The following MAML2 variants were observed in gnomAD, a reference collection of about 807,000 sequenced individuals.
MAML2 encodes mastermind-like protein 2.
MAML2 carries 22 observed loss-of-function variants against 96.1 expected under a neutral mutation model. The ratio of observed to expected loss-of-function variants is 0.23; its 90% CI spans 0.16 to 0.33. MAML2 has a LOEUF of 0.33. Among genes scored for constraint, MAML2 ranks in the 10% least tolerant of loss-of-function variants. The pLI is 1.00. For missense variants in MAML2, 1,367 were observed against 1,392.4 expected, an observed-to-expected ratio of 0.98 and a Z score of 0.29; for synonymous variants, 561 against 521.3, an observed-to-expected ratio of 1.08 and a Z score of -1.04.
At chr11:96,101,936 G>A (rs1859938277) in intron 1 of MAML2, among the ~76,000 whole-genome samples, 1 of 152,176 alleles carries the variant, frequency 6.6e-6, no homozygotes, top group African/African-American at 2.4e-5. Flanking sequence ...GTTAATGCAA[G>A]AACCATGTAG....
intron 2 of MAML2, among the ~76,000 whole-genome samples, chr11:95,993,342 T>G (rs1591081264): frequency 6.6e-6 from 1 of 152,018 alleles, no homozygotes; most frequent in African/African-American, 2.4e-5. Flanking sequence ...CCGAGGCAGG[T>G]GGTTCACCTG....
Position 96,241,390 on chromosome 11 carries a change from CT to C in MAML2, c.513+99992del, listed in dbSNP as rs201367699. 7.9e-4 allele frequency among the ~76,000 whole-genome samples: 121 copies of C among 152,324 alleles called. 2 individuals carry two copies. In the East Asian group the frequency reaches 0.017, roughly 22 times the overall value. ...ATGTGGGAGGCTGACGACTATTCCCCTATTGCAGTGGTCCTTGACAGGGGGT... is the reference window on the plus strand; with the variant it reads ...ATGTGGGAGGCTGACGACTATTCCCCATTGCAGTGGTCCTTGACAGGGGGT... On this transcript the variant is annotated intron_variant, in intron 1 of 4. Coordinates refer to ENST00000524717, the MANE Select transcript of MAML2 (RefSeq NM_032427.4).
At chr11:96,171,845 C>T (rs1464953910) in intron 1 of MAML2, among the ~76,000 whole-genome samples, 4 of 152,240 alleles carry the variant, frequency 2.6e-5, no homozygotes, top group African/African-American at 4.8e-5. Context: ...GTGGAAGGCC[C>T]TTGCCTGCCA....
chr11:96,162,119 GCATGTACATAACCTCA>G (rs1269973968), intron 1 of MAML2, among the ~76,000 whole-genome samples: 3 of 150,734 alleles, frequency 2.0e-5, no homozygotes, highest in Non-Finnish European at 2.9e-5. Flanking sequence ...AAGTTAAAGG[GCATGTACATAACCTCA>G]CACATGGAAG....
At chr11:96,099,207 A>G (rs1282408071) in intron 1 of MAML2, among the ~76,000 whole-genome samples, 1 of 152,166 alleles carries the variant, frequency 6.6e-6, no homozygotes, top group Non-Finnish European at 1.5e-5. Context: ...GGCTGATTAG[A>G]GATAGGACTG....
intron 1 of MAML2, among the ~76,000 whole-genome samples, chr11:96,268,710 C>T (rs184489555): frequency 1.3e-3 from 205 of 152,194 alleles, no homozygotes; most frequent in African/African-American, 3.1e-3. Flanking sequence ...ATGCTGTTCT[C>T]GTGATAGTTA....
At chr11:96,161,456 C>T (rs1367743408) in intron 1 of MAML2, among the ~76,000 whole-genome samples, 3 of 152,248 alleles carry the variant, frequency 2.0e-5, no homozygotes, top group South Asian at 2.1e-4. Context: ...CCCTGTAAAA[C>T]GGACAGAGGA....
intron 1 of MAML2, among the ~76,000 whole-genome samples, chr11:96,236,369 T>C (rs967177967): frequency 1.3e-5 from 2 of 152,334 alleles, no homozygotes; most frequent in Admixed American, 6.5e-5. Context: ...GAGCTTTAAA[T>C]AGAGATCAGA....
At chr11:96,134,878 T>G (rs1327332866) in intron 1 of MAML2, among the ~76,000 whole-genome samples, 1 of 152,254 alleles carries the variant, frequency 6.6e-6, no homozygotes, top group Non-Finnish European at 1.5e-5. Flanking sequence ...AAAGTCGAGT[T>G]GCAGGCATGT....
chr11:96,257,166 C>T (rs1194737234), intron 1 of MAML2, among the ~76,000 whole-genome samples: 1 of 152,176 alleles, frequency 6.6e-6, no homozygotes, highest in Non-Finnish European at 1.5e-5. Flanking sequence ...ACAAATGTTG[C>T]AATTTATTTA....
chr11:96,336,218 C>T (rs886417673), intron 1 of MAML2, among the ~76,000 whole-genome samples: 4 of 152,094 alleles, frequency 2.6e-5, no homozygotes, highest in Admixed American at 2.6e-4. Flanking sequence ...GCTTCAGTTT[C>T]CTTATATGTA....
At chr11:96,159,582 T>A (rs566179344) in intron 1 of MAML2, among the ~76,000 whole-genome samples, 9 of 151,968 alleles carry the variant, frequency 5.9e-5, no homozygotes, top group African/African-American at 1.9e-4. Context: ...CCCGCCACCA[T>A]GCCCAGCTAA....
At chr11:96,052,124 G>A (rs1207465775) in intron 2 of MAML2, among the ~76,000 whole-genome samples, 1 of 152,158 alleles carries the variant, frequency 6.6e-6, no homozygotes, top group Non-Finnish European at 1.5e-5. Flanking sequence ...AGACCTCTCA[G>A]TGGCTTTAGC....
At chr11:96,113,283 G>A (rs758894336) in intron 1 of MAML2, among the ~76,000 whole-genome samples, 47 of 151,848 alleles carry the variant, frequency 3.1e-4, no homozygotes, top group Non-Finnish European at 8.8e-5. Context: ...AAATTTCCAT[G>A]AGGAAAATTT....
rs116788386 is a variant in MAML2, at chr11:95,989,771, C to A, written c.2343+1749G>T. The stretch of plus-strand genomic sequence containing the variant: ...CCTTAAACCTTATGGCAGTATTCAA[C>A]GTCATCTGTAATCTTATTTCTCAAT... On this transcript the variant is annotated intron_variant, in intron 3 of 4. Transcript: ENST00000524717. Among the ~76,000 whole-genome samples, 233 of 152,306 alleles carry A rather than the reference C, an allele frequency of 1.5e-3. 1 individual carries two copies. The highest frequency in any genetic ancestry group is 5.2e-3 in the African/African-American group (218 of 41,560).
intron 2 of MAML2, among the ~76,000 whole-genome samples, chr11:96,023,897 A>T (rs2135739202): frequency 6.6e-6 from 1 of 152,354 alleles, no homozygotes; most frequent in South Asian, 2.1e-4. Context: ...ACAAGAGGGC[A>T]GTTTTGCTGA....
intron 1 of MAML2, among the ~76,000 whole-genome samples, chr11:96,150,641 T>TA (rs945114293): frequency 6.6e-6 from 1 of 152,110 alleles, no homozygotes; most frequent in African/African-American, 2.4e-5. Context: ...TTTGGGGTCT[T>TA]AGAGTCATTA....
intron 2 of MAML2, among the ~76,000 whole-genome samples, chr11:96,089,840 C>T (rs928718585): frequency 6.9e-6 from 1 of 145,310 alleles, no homozygotes; most frequent in African/African-American, 2.5e-5. Context: ...CACATTTCCA[C>T]CACTTTTTAA....
chr11:96,266,436 T>C (rs1415236070), intron 1 of MAML2, among the ~76,000 whole-genome samples: 1 of 151,942 alleles, frequency 6.6e-6, no homozygotes, highest in Non-Finnish European at 1.5e-5. Context: ...CTGGGCGTGG[T>C]GGTGGGCACC....
Sources: allele counts gnomAD v4.1 joint callset (sites outside exome capture counted in the v4.1 genomes callset), GRCh38; gene constraint gnomAD v4.1.1; transcripts MANE v1.5; gene names NCBI Gene and HGNC (gene_info 2026-07-23, HGNC 2026-07-21).